Variants in DSCAM observed in about 807,000 individuals in gnomAD.
DSCAM encodes the protein DS cell adhesion molecule, also known as cell adhesion molecule DSCAM.
A neutral mutation model predicts 217.7 loss-of-function variants in DSCAM; 47 were observed. That is an observed-to-expected ratio of 0.22 (90% CI 0.17 to 0.28). The LOEUF (loss-of-function observed/expected upper bound fraction) is 0.28. Ranked by LOEUF, DSCAM falls within the 10% of genes least tolerant of loss-of-function variation. The pLI is 1.00. For missense variants in DSCAM, 2,080 were observed against 2,618.3 expected, an observed-to-expected ratio of 0.79 and a Z score of 4.49; for synonymous variants, 1,056 against 1,015.3, an observed-to-expected ratio of 1.04 and a Z score of -0.76.
At chr21:40,070,353 G>C in intron 27 of DSCAM, among the ~76,000 whole-genome samples, 1 of 91,510 alleles carries the variant, frequency 1.1e-5, no homozygotes, top group Non-Finnish European at 2.0e-5. Context: ...AGGAGGGAGG[G>C]AGGGAAGGAG....
At chr21:40,356,254 AACACTATCTTAC>A (rs2074691491) in intron 4 of DSCAM, among the ~76,000 whole-genome samples, 1 of 152,152 alleles carries the variant, frequency 6.6e-6, no homozygotes, top group South Asian at 2.1e-4. Context: ...TACAGTTAAT[AACACTATCTTAC>A]ATACTTGAAA....
chr21:40,445,314 C>A (rs2075665698), intron 3 of DSCAM, among the ~76,000 whole-genome samples: 1 of 152,176 alleles, frequency 6.6e-6, no homozygotes, highest in Non-Finnish European at 1.5e-5. Context: ...GGCCTCTGGG[C>A]TGTTAGGTGA....
At chr21:40,828,658 C>CTT (rs35167327) in intron 1 of DSCAM, among the ~76,000 whole-genome samples, 2,657 of 132,434 alleles carry the variant, frequency 0.02, 78 homozygotes, top group African/African-American at 0.048. Flanking sequence ...ACCCCACCCT[C>CTT]TTTTTTTTTT....
At chr21:40,189,014 C>A (rs1327098185) in intron 12 of DSCAM, 28 bp downstream of exon 12, 6 of 1,606,926 alleles carry the variant, frequency 3.7e-6, no homozygotes, top group Non-Finnish European at 5.1e-6. Flanking sequence ...AAGTTCATTC[C>A]ATTGTGTTGT....
At chr21:40,443,281 A>C (rs975897168) in intron 3 of DSCAM, among the ~76,000 whole-genome samples, 3 of 152,250 alleles carry the variant, frequency 2.0e-5, no homozygotes, top group Admixed American at 1.3e-4. Flanking sequence ...ATGTATCTGC[A>C]TAATGTACCC....
At chr21:40,824,146 C>A (rs1001517060) in intron 1 of DSCAM, among the ~76,000 whole-genome samples, 1 of 152,104 alleles carries the variant, frequency 6.6e-6, no homozygotes, top group African/African-American at 2.4e-5. Flanking sequence ...AGCCTCCCAC[C>A]TAGGTCAGTA....
intron 3 of DSCAM, among the ~76,000 whole-genome samples, chr21:40,485,489 G>A (rs1046112236): frequency 1.3e-5 from 2 of 151,686 alleles, no homozygotes; most frequent in Admixed American, 6.6e-5. Context: ...TGATCCGCCC[G>A]CCTCGGCCTC....
intron 27 of DSCAM, among the ~76,000 whole-genome samples, chr21:40,063,543 A>G (rs1882780): frequency 0.15 from 23,275 of 152,064 alleles, 2,154 homozygotes; most frequent in East Asian, 0.35. Context: ...TTCCTTTAAA[A>G]TATAATTTAT....
At chr21:40,341,348 T>C (rs2074489247) in intron 6 of DSCAM, among the ~76,000 whole-genome samples, 1 of 152,210 alleles carries the variant, frequency 6.6e-6, no homozygotes, top group African/African-American at 2.4e-5. Context: ...ATGGTTTTTG[T>C]AAAATGTGTT....
intron 11 of DSCAM, among the ~76,000 whole-genome samples, chr21:40,192,995 T>C (rs1036573092): frequency 2.0e-5 from 3 of 152,202 alleles, no homozygotes; most frequent in African/African-American, 7.2e-5. Flanking sequence ...TTTGAGAAAC[T>C]GCCACACTGT....
intron 18 of DSCAM, among the ~76,000 whole-genome samples, chr21:40,139,045 GTGTGTGTGTGTA>G: frequency 6.8e-6 from 1 of 146,974 alleles, no homozygotes; most frequent in East Asian, 2.0e-4. Flanking sequence ...AGTGTGTGTT[GTGTGTGTGTGTA>G]TGTATGTGTG....
chr21:40,799,221 C>T (rs1377001269), intron 1 of DSCAM, among the ~76,000 whole-genome samples: 5 of 152,072 alleles, frequency 3.3e-5, no homozygotes, highest in African/African-American at 1.2e-4. Flanking sequence ...GTTAAAAGAA[C>T]TAGATTGCTG....
At chr21:40,260,454 C>T (rs1289650726) in intron 11 of DSCAM, among the ~76,000 whole-genome samples, 1 of 152,210 alleles carries the variant, frequency 6.6e-6, no homozygotes, top group African/African-American at 2.4e-5. Context: ...TTGCCATGAC[C>T]TGCCATTGCT....
At chr21:40,327,400 C>T (rs2074329389) in intron 8 of DSCAM, among the ~76,000 whole-genome samples, 1 of 152,116 alleles carries the variant, frequency 6.6e-6, no homozygotes, top group Admixed American at 6.5e-5. Context: ...GATTTTGTAT[C>T]CTGCAACTTT....
intron 1 of DSCAM, among the ~76,000 whole-genome samples, chr21:40,824,154 G>A (rs755354179): frequency 1.9e-4 from 29 of 152,008 alleles, no homozygotes; most frequent in Non-Finnish European, 2.9e-4. Context: ...ACCTAGGTCA[G>A]TACCCAGCCG....
intron 1 of DSCAM, among the ~76,000 whole-genome samples, chr21:40,780,423 G>GTGTGTGTATATATATATATATATATATA (rs1007015659): frequency 5.3e-5 from 3 of 56,416 alleles, no homozygotes; most frequent in African/African-American, 2.3e-4. Flanking sequence ...GTGTGTGTGT[G>GTGTGTGTATATATATATATATATATATA]TATATATATA....
At chr21:40,231,174 G>A (rs2146924193) in intron 11 of DSCAM, among the ~76,000 whole-genome samples, 1 of 148,978 alleles carries the variant, frequency 6.7e-6, no homozygotes, top group South Asian at 2.1e-4. Context: ...CCTTTGTTAT[G>A]GAGAAGGTTT....
intron 3 of DSCAM, among the ~76,000 whole-genome samples, chr21:40,604,363 C>T (rs2089203350): frequency 6.6e-6 from 1 of 152,120 alleles, no homozygotes; most frequent in Non-Finnish European, 1.5e-5. Context: ...TATTAGAACC[C>T]TAATTCTGTT....
chr21:40,275,206 G>A (rs545159748), intron 11 of DSCAM, among the ~76,000 whole-genome samples: 1 of 151,854 alleles, frequency 6.6e-6, no homozygotes, highest in Non-Finnish European at 1.5e-5. Flanking sequence ...GGCATACACT[G>A]GTAGTCTTAG....
Sources: gnomAD v4.1 joint callset for allele counts (sites outside exome capture counted in the v4.1 genomes callset) on GRCh38, gnomAD v4.1.1 for gene constraint, MANE v1.5 for transcripts, NCBI Gene and HGNC (gene_info 2026-07-23, HGNC 2026-07-21) for gene names.